Variants in TRAPPC11 observed in about 807,000 individuals in gnomAD.
TRAPPC11 encodes trafficking protein particle complex subunit 11.
Under a neutral mutation model 151.2 loss-of-function variants are expected in TRAPPC11, and 104 were observed. That is an observed-to-expected ratio of 0.69 (90% CI 0.59 to 0.81). TRAPPC11 has a LOEUF of 0.81. TRAPPC11 is among the 30% of genes least tolerant of loss of function. The pLI is 0.00. For missense variants in TRAPPC11, 1,230 were observed against 1,349.6 expected, an observed-to-expected ratio of 0.91 and a Z score of 1.39; for synonymous variants, 456 against 472.3, an observed-to-expected ratio of 0.97 and a Z score of 0.45.
intron 26 of TRAPPC11, among the ~76,000 whole-genome samples, chr4:183,704,258 C>T (rs1188453215): frequency 5.9e-5 from 9 of 152,138 alleles, no homozygotes; most frequent in African/African-American, 1.4e-4. Flanking sequence ...CGGTGGCTCA[C>T]GCCTGTAATC....
At chr4:183,694,945 CTTTTTTTTTTTTTTTTTT>C (rs34556587) in intron 23 of TRAPPC11, among the ~76,000 whole-genome samples, 1 of 119,858 alleles carries the variant, frequency 8.3e-6, no homozygotes, top group Non-Finnish European at 1.7e-5. Context: ...TATGGCTTTT[CTTTTTTTTTTTTTTTTTT>C]TTGAGGCGGA....
In TRAPPC11 at chr4:183,684,410, G is replaced by A. The variant is rs186084424; in HGVS notation, c.1421+51G>A. 4.7e-6 allele frequency: 7 copies of A among 1,504,030 alleles called. No individual in the cohort carries two copies. In the Admixed American group the frequency reaches 7.1e-5, roughly 15 times the overall value. The allele number at this position is 1,504,030 out of a possible 1,614,324, so 93.2% of individuals were successfully genotyped here. ...TACAAGTATTTGGATTATCTGAAGT[G>A]AAACTGAAATAGAAATCAGTGTTGA... On this transcript the variant is annotated intron_variant, in intron 14 of 29. Coordinates refer to ENST00000334690, the MANE Select transcript of TRAPPC11 (RefSeq NM_021942.6).
At chr4:183,696,398 T>A (rs975368111) in intron 23 of TRAPPC11, among the ~76,000 whole-genome samples, 1 of 152,142 alleles carries the variant, frequency 6.6e-6, no homozygotes, top group African/African-American at 2.4e-5. Context: ...TCTTCTTTCT[T>A]TTATTTTTTT....
intron 1 of TRAPPC11, among the ~76,000 whole-genome samples, chr4:183,660,862 CAT>C (rs1355996790): frequency 3.9e-5 from 6 of 152,052 alleles, no homozygotes; most frequent in South Asian, 4.2e-4. Flanking sequence ...TATAGGCACG[CAT>C]CACCATGCCC....
rs1735767075 is a variant in TRAPPC11, at chr4:183,682,822, C to T, written c.1204C>T (p.Leu402=). ...YGQRSWRQGI[L]SFDLSDPEKE... ...ACAAAGATCATGGCGACAAGGAATA[C>T]TAAGTAAATAATTTTTCCCTCTGTC... The change falls in exon 11 of 30, where the codon CTA becomes TTA. Residue 402 remains leucine (L), a synonymous_variant. Coordinates refer to ENST00000334690, the MANE Select transcript of TRAPPC11 (RefSeq NM_021942.6). 2.5e-6 allele frequency: 4 copies of T among 1,608,260 alleles called. No homozygotes were observed. The highest frequency in any genetic ancestry group is 3.4e-6 in the Non-Finnish European group (4 of 1,174,930).
chr4:183,698,839 G>A (rs935685266), intron 25 of TRAPPC11, among the ~76,000 whole-genome samples: 1 of 152,096 alleles, frequency 6.6e-6, no homozygotes, highest in Non-Finnish European at 1.5e-5. Context: ...GTTGTTGTAC[G>A]TACACTTGAT....
Position 183,679,409 on chromosome 4 carries a change from A to C in TRAPPC11, c.888A>C (p.Arg296=). 6.2e-7 allele frequency: 1 copy of C among 1,613,274 alleles called. No individual in the cohort carries two copies. Among genetic ancestry groups the C allele is most frequent in the Non-Finnish European group, 8.5e-7 (1 of 1,179,600 alleles). The change falls in exon 9 of 30, where the codon CGA becomes CGC. Residue 296 remains arginine (R), a synonymous_variant. Transcript: ENST00000334690. Reference sequence around the variant, plus strand: ...CATTGGATGCAATTGCTCAGTTCCGAAAACACATCGACTTGTGTAAGAAAA... The same window carrying C: ...CATTGGATGCAATTGCTCAGTTCCGCAAACACATCGACTTGTGTAAGAAAA... ...NTPLDAIAQF[R]KHIDLCKKKI... is the part of the protein sequence containing the mutation.
chr4:183,698,984 G>A (rs764912166), intron 25 of TRAPPC11, among the ~76,000 whole-genome samples: 2 of 152,010 alleles, frequency 1.3e-5, no homozygotes, highest in African/African-American at 2.4e-5. Flanking sequence ...CTCTCACCTG[G>A]TCTATAGAAG....
At chr4:183,687,916 C>G (rs1278258707) in intron 18 of TRAPPC11, among the ~76,000 whole-genome samples, 1 of 152,112 alleles carries the variant, frequency 6.6e-6, no homozygotes, top group African/African-American at 2.4e-5. Context: ...ATATAAGCAA[C>G]TTTTTTTCTT....
In TRAPPC11 at chr4:183,667,095, T is replaced by C. The variant is rs563382389; in HGVS notation, c.410T>C (p.Val137Ala). 1 of 1,604,930 alleles carries C rather than the reference T, an allele frequency of 6.2e-7. No individual in the cohort carries two copies. Among genetic ancestry groups the C allele is most frequent in the Non-Finnish European group, 8.5e-7 (1 of 1,174,008 alleles). ...SLQGRNTKVA[V>A]VLIQKKTPLP... The stretch of plus-strand genomic sequence containing the variant: ...CAAGGAAGAAACACAAAAGTTGCAG[T>C]GGTTCTGATTCAGAAGAAAACCCCT... Residue 137 changes from valine to alanine, a missense_variant, in exon 4 of 30, where the codon GTG becomes GCG. Transcript: ENST00000334690.
chr4:183,664,521 ATTC>A (rs1265119373), intron 2 of TRAPPC11, among the ~76,000 whole-genome samples: 1 of 152,166 alleles, frequency 6.6e-6, no homozygotes, highest in Non-Finnish European at 1.5e-5. Flanking sequence ...CAGGTTCCCT[ATTC>A]TTGAGGAGTT....
chr4:183,686,853 G>C, intron 18 of TRAPPC11, 105 bp downstream of exon 18: 4 of 1,345,414 alleles, frequency 3.0e-6, no homozygotes, highest in Non-Finnish European at 4.1e-6. Flanking sequence ...TGGTTTCATA[G>C]TAACAAATGA....
intron 23 of TRAPPC11, among the ~76,000 whole-genome samples, chr4:183,696,245 A>C (rs1736531080): frequency 6.6e-6 from 1 of 152,162 alleles, no homozygotes; most frequent in African/African-American, 2.4e-5. Context: ...AGAGCTAGTA[A>C]ATATGTATTG....
rs536178494 is a variant in TRAPPC11, at chr4:183,684,618, A to G, written c.1422-78A>G. ...TTTTCTATACTTACATAAAATGAGG[A>G]AAGTATTTTTTTCTCCATGAACTCT... is the stretch of plus-strand genomic sequence containing the variant. On this transcript the variant is annotated intron_variant, in intron 14 of 29. Transcript: ENST00000334690. 52 of 1,453,420 alleles carry G rather than the reference A, an allele frequency of 3.6e-5. No individual in the cohort carries two copies. In the African/African-American group the frequency reaches 6.9e-4, roughly 19 times the overall value. The allele number at this position is 1,453,420 out of a possible 1,614,324, so 90.0% of individuals were successfully genotyped here. A position where few individuals can be genotyped will look rare whatever the true frequency, so the allele number is the denominator to read the frequency against.
intron 1 of TRAPPC11, among the ~76,000 whole-genome samples, 172 bp from the exon 2 acceptor site, chr4:183,663,675 T>C (rs1187932354): frequency 6.6e-6 from 1 of 151,868 alleles, no homozygotes; most frequent in Non-Finnish European, 1.5e-5. Context: ...GGCCTTGTAA[T>C]GATTATTTTT....
At chr4:183,690,770 C>G (rs1029038612) in intron 18 of TRAPPC11, among the ~76,000 whole-genome samples, 6 of 152,050 alleles carry the variant, frequency 3.9e-5, no homozygotes, top group African/African-American at 1.4e-4. Context: ...AAGTTTGAAA[C>G]CAGCTTGGGC....
intron 18 of TRAPPC11, among the ~76,000 whole-genome samples, chr4:183,690,226 GAA>G (rs5864851): frequency 1.3e-5 from 2 of 149,540 alleles, no homozygotes; most frequent in Non-Finnish European, 3.0e-5. Flanking sequence ...TAAACCATAA[GAA>G]AAAAAAAAGT....
At chr4:183,704,130 A>T (rs1384819243) in intron 26 of TRAPPC11, among the ~76,000 whole-genome samples, 4 of 152,248 alleles carry the variant, frequency 2.6e-5, no homozygotes, top group African/African-American at 9.6e-5. Flanking sequence ...CCCCACTGGT[A>T]ACATGCAGCA....
chr4:183,685,190 G>A, intron 16 of TRAPPC11, 45 bp downstream of exon 16: 2 of 1,608,312 alleles, frequency 1.2e-6, no homozygotes, highest in Non-Finnish European at 1.7e-6. Context: ...AGGAATATGT[G>A]TACTTATATC....
Sources: gnomAD v4.1 joint callset for allele counts (sites outside exome capture counted in the v4.1 genomes callset) on GRCh38, gnomAD v4.1.1 for gene constraint, MANE v1.5 for transcripts, NCBI Gene and HGNC (gene_info 2026-07-23, HGNC 2026-07-21) for gene names.